Variants in COBL observed in about 807,000 individuals in gnomAD.
COBL encodes the protein cordon-bleu WH2 repeat protein, also known as protein cordon-bleu.
COBL carries 51 observed loss-of-function variants against 98.8 expected under a neutral mutation model. That is an observed-to-expected ratio of 0.52 (90% CI 0.41 to 0.65). The LOEUF is 0.65. COBL is among the 30% of genes least tolerant of loss of function. COBL has a pLI of 0.00. For missense variants in COBL, 1,617 were observed against 1,617.5 expected, an observed-to-expected ratio of 1.00 and a Z score of 0.01; for synonymous variants, 634 against 651.7, an observed-to-expected ratio of 0.97 and a Z score of 0.41.
chr7:51,092,362 T>C (rs557395345), intron 6 of COBL, among the ~76,000 whole-genome samples: 1 of 152,330 alleles, frequency 6.6e-6, no homozygotes, highest in South Asian at 2.1e-4. Flanking sequence ...CCGAGGCCAA[T>C]GTCATAGAGC....
chr7:51,100,953 CT>C (rs1795756055), intron 6 of COBL, among the ~76,000 whole-genome samples: 1 of 152,066 alleles, frequency 6.6e-6, no homozygotes, highest in South Asian at 2.1e-4. Context: ...AGCAGCAGCT[CT>C]TTTTCAAATT....
At chr7:51,189,747 T>C (rs983750273) in intron 4 of COBL, among the ~76,000 whole-genome samples, 5 of 152,172 alleles carry the variant, frequency 3.3e-5, no homozygotes, top group African/African-American at 1.2e-4. Flanking sequence ...CTCAACCTAT[T>C]CAATATTTGT....
At chr7:51,225,031 C>T (rs1329607649) in intron 1 of COBL, among the ~76,000 whole-genome samples, 2 of 152,056 alleles carry the variant, frequency 1.3e-5, no homozygotes, top group East Asian at 1.9e-4. Context: ...ATGGCCTGTG[C>T]ACGTGGATGG....
At chr7:51,035,316 G>A (rs1020145840) in intron 8 of COBL, 2 of 152,028 alleles carry the variant, frequency 1.3e-5, no homozygotes, top group African/African-American at 4.8e-5. Flanking sequence ...CATAGCACAT[G>A]AGGTCACTTT....
chr7:51,193,360 C>T lies in COBL; in HGVS notation c.456+19G>A, dbSNP rs1790298139. On this transcript the variant is annotated intron_variant, in intron 3 of 12. Coordinates refer to ENST00000265136, the MANE Select transcript of COBL (RefSeq NM_015198.5). ...CCACACATTCAGACACAGGTATTTC[C>T]ATGTAGGTACCTACTAACCTCAGGC... 6.2e-7 allele frequency: 1 copy of T among 1,610,026 alleles called. No individual in the cohort carries two copies. Among genetic ancestry groups the T allele is most frequent in the Non-Finnish European group, 8.5e-7 (1 of 1,176,468 alleles).
chr7:51,184,056 AT>A (rs764259556), intron 5 of COBL, 45 bp downstream of exon 5: 447 of 1,002,440 alleles, frequency 4.5e-4, no homozygotes, highest in Middle Eastern at 6.3e-4. Flanking sequence ...TCAAGAGACT[AT>A]TTTTTTTACA....
At chr7:51,225,994 ACTTTCCCAGACC>A (rs1794143212) in intron 1 of COBL, among the ~76,000 whole-genome samples, 1 of 152,242 alleles carries the variant, frequency 6.6e-6, no homozygotes, top group Non-Finnish European at 1.5e-5. Flanking sequence ...GCGTCTCTGT[ACTTTCCCAGACC>A]CTGAGTTCAA....
chr7:51,079,677 T>C (rs1196462628), intron 7 of COBL, among the ~76,000 whole-genome samples: 1 of 151,926 alleles, frequency 6.6e-6, no homozygotes, highest in African/African-American at 2.4e-5. Flanking sequence ...GGCCACAGGG[T>C]GTGCACAGAG....
chr7:51,272,943 C>G (rs1475362750), intron 1 of COBL, among the ~76,000 whole-genome samples: 1 of 145,748 alleles, frequency 6.9e-6, no homozygotes, highest in African/African-American at 2.8e-5. Flanking sequence ...CTATGGAACA[C>G]AATACCAACA....
chr7:51,083,154 G>T, intron 7 of COBL: 1 of 1,501,416 alleles, frequency 6.7e-7, no homozygotes, highest in Non-Finnish European at 8.8e-7. Context: ...TAGGGCGGGG[G>T]TGGGGGAAGC....
intron 1 of COBL, among the ~76,000 whole-genome samples, chr7:51,263,017 C>A (rs1797855887): frequency 6.6e-6 from 1 of 152,186 alleles, no homozygotes; most frequent in Non-Finnish European, 1.5e-5. Context: ...CACACCAGGG[C>A]AGGTGGAACT....
chr7:51,309,929 G>A (rs888559677), intron 1 of COBL, among the ~76,000 whole-genome samples: 2 of 152,158 alleles, frequency 1.3e-5, no homozygotes, highest in African/African-American at 4.8e-5. Flanking sequence ...GGCCTCCTGG[G>A]GGAGCCCCAG....
chr7:51,017,870 T>C (rs1786438144), intron 12 of COBL, among the ~76,000 whole-genome samples: 1 of 152,194 alleles, frequency 6.6e-6, no homozygotes, highest in Admixed American at 6.5e-5. Flanking sequence ...ACACTGCCTC[T>C]TGGGCTGTGT....
intron 1 of COBL, among the ~76,000 whole-genome samples, chr7:51,303,137 T>C (rs919249430): frequency 6.6e-6 from 1 of 152,224 alleles, no homozygotes; most frequent in African/African-American, 2.4e-5. Flanking sequence ...GTTAACACAA[T>C]AGATCATACT....
chr7:51,156,211 C>T, intron 5 of COBL: 1 of 985,128 alleles, frequency 1.0e-6, no homozygotes, highest in Non-Finnish European at 1.2e-6. Flanking sequence ...CACACACACA[C>T]AAAATTTACA....
intron 1 of COBL, chr7:51,259,552 G>A (rs544598740): frequency 4.4e-5 from 31 of 707,392 alleles, no homozygotes; most frequent in Middle Eastern, 4.1e-4. Flanking sequence ...TGGAAAGGGC[G>A]CAAAAACCAT....
At chr7:51,186,463 C>A (rs115083793) in intron 4 of COBL, among the ~76,000 whole-genome samples, 1 of 152,152 alleles carries the variant, frequency 6.6e-6, no homozygotes, top group African/African-American at 2.4e-5. Flanking sequence ...TGTATTACAC[C>A]GACCACAGAA....
At chr7:51,038,428 A>T (rs568107468) in intron 8 of COBL, among the ~76,000 whole-genome samples, 1 of 152,310 alleles carries the variant, frequency 6.6e-6, no homozygotes, top group South Asian at 2.1e-4. Flanking sequence ...GCTCTTGAGG[A>T]AATGGTGTTT....
At chr7:51,183,144 G>A (rs1048766975) in intron 5 of COBL, among the ~76,000 whole-genome samples, 13 of 152,194 alleles carry the variant, frequency 8.5e-5, no homozygotes, top group Admixed American at 6.5e-4. Context: ...TGAAGGGCAG[G>A]AAATCAGGTG....
Sources: allele counts gnomAD v4.1 joint callset (sites outside exome capture counted in the v4.1 genomes callset), GRCh38; gene constraint gnomAD v4.1.1; transcripts MANE v1.5; gene names NCBI Gene and HGNC (gene_info 2026-07-23, HGNC 2026-07-21).